The following ARFGEF3 variants were observed in gnomAD, a reference collection of about 807,000 sequenced individuals.
The protein encoded by ARFGEF3 is brefeldin A-inhibited guanine nucleotide-exchange protein 3.
ARFGEF3 carries 96 observed loss-of-function variants against 221.7 expected under a neutral mutation model. The observed-to-expected ratio is 0.43, with a 90% CI of 0.37 to 0.51. The LOEUF (loss-of-function observed/expected upper bound fraction) is 0.51. Among genes scored for constraint, ARFGEF3 ranks in the 20% least tolerant of loss-of-function variants. The pLI, the probability that ARFGEF3 is intolerant of heterozygous loss-of-function variation, is 0.00. For synonymous variants in ARFGEF3, 1,145 were observed against 1,126.8 expected (o/e 1.02, Z -0.32); for missense variants, 2,410 against 2,789.9 (o/e 0.86, Z 3.07).
intron 12 of ARFGEF3, among the ~76,000 whole-genome samples, chr6:138,274,982 C>T (rs1324222634): frequency 6.6e-6 from 1 of 151,098 alleles, no homozygotes; most frequent in Non-Finnish European, 1.5e-5. Context: ...TGGCACATGC[C>T]TGTAATCCCA....
chr6:138,333,905 A>G (rs1780272096), intron 32 of ARFGEF3, 65 bp from the exon 33 acceptor site: 9 of 1,513,912 alleles, frequency 5.9e-6, no homozygotes, highest in Non-Finnish European at 8.0e-6. Flanking sequence ...TAACGTCTAT[A>G]TTGCTTTGAG....
At position 138,339,667 on chromosome 6, in the gene ARFGEF3, TTCTC is replaced by T. The variant is rs1391333745; in HGVS notation, c.*3185_*3188del. ...CAGCCAAGTATATGGAGGGACAGAG[TTCTC>T]TCTGTCATTAATGAGGACATCGGTT... On this transcript the variant is annotated 3_prime_UTR_variant, in exon 34 of 34. Coordinates refer to ENST00000251691, the MANE Select transcript of ARFGEF3 (RefSeq NM_020340.5). 3 of 151,946 alleles carry T rather than the reference TTCTC, an allele frequency of 2.0e-5. No individual in the cohort carries two copies. The highest frequency in any genetic ancestry group is 7.3e-5 in the African/African-American group (3 of 41,346). 9.4% of individuals were successfully genotyped at this position (151,946 alleles called of 1,614,324 possible). A position where few individuals can be genotyped will look rare whatever the true frequency, so the allele number is the denominator to read the frequency against.
chr6:138,196,864 G>C (rs977097654), intron 2 of ARFGEF3, among the ~76,000 whole-genome samples: 2 of 151,580 alleles, frequency 1.3e-5, no homozygotes, highest in Non-Finnish European at 2.9e-5. Context: ...ACGGAGTTTC[G>C]CTCTTGTGGC....
chr6:138,223,531 G>T (rs1297345771), intron 4 of ARFGEF3, among the ~76,000 whole-genome samples: 1 of 152,086 alleles, frequency 6.6e-6, no homozygotes, highest in Non-Finnish European at 1.5e-5. Context: ...CTGATATTTT[G>T]AAAAATGAAA....
intron 24 of ARFGEF3, among the ~76,000 whole-genome samples, chr6:138,309,575 T>C (rs1253860896): frequency 6.6e-6 from 1 of 152,178 alleles, no homozygotes; most frequent in Non-Finnish European, 1.5e-5. Context: ...TAATATTGAC[T>C]AATCTAAGGT....
rs9495016 is a variant in ARFGEF3 at position 138,333,913 on chromosome 6, G to A, written c.5124-57G>A. The A allele has an allele frequency of 8.7e-3, 13,362 of 1,529,804 alleles. 960 individuals carry two copies. In the African/African-American group the frequency reaches 0.16, roughly 18 times the overall value. 94.8% of individuals were successfully genotyped at this position (1,529,804 alleles called of 1,614,324 possible). A position where few individuals can be genotyped will look rare whatever the true frequency, so the allele number is the denominator to read the frequency against. ...AAACGGGTAACGTCTATATTGCTTT[G>A]AGACACCTGATATAGGGCAGAAAAC... On this transcript the variant is annotated intron_variant, in intron 32 of 33. Transcript: ENST00000251691.
chr6:138,283,750 T>C (rs907309836), intron 14 of ARFGEF3, among the ~76,000 whole-genome samples: 1 of 152,224 alleles, frequency 6.6e-6, no homozygotes, highest in Non-Finnish European at 1.5e-5. Flanking sequence ...ACCTAGCACA[T>C]AGAAAACATT....
intron 12 of ARFGEF3, among the ~76,000 whole-genome samples, chr6:138,274,650 C>T (rs576568651): frequency 6.6e-6 from 1 of 152,128 alleles, no homozygotes; most frequent in African/African-American, 2.4e-5. Context: ...ACAAAATTAG[C>T]CAGGCATGGT....
intron 2 of ARFGEF3, among the ~76,000 whole-genome samples, chr6:138,196,517 G>A (rs1003676170): frequency 9.2e-5 from 14 of 152,226 alleles, no homozygotes; most frequent in African/African-American, 3.1e-4. Context: ...TATGAATAGA[G>A]TTTGCAGGAC....
chr6:138,283,562 A>C (rs1332865562), intron 14 of ARFGEF3, among the ~76,000 whole-genome samples: 1 of 152,210 alleles, frequency 6.6e-6, no homozygotes, highest in African/African-American at 2.4e-5. Flanking sequence ...GTTAACCTAG[A>C]GTTTGGAGAC....
At chr6:138,317,412 T>C in intron 27 of ARFGEF3, 33 bp downstream of exon 27, 3 of 1,612,638 alleles carry the variant, frequency 1.9e-6, no homozygotes, top group Non-Finnish European at 2.5e-6. Flanking sequence ...TTTGGGGGAG[T>C]GGTTATACAT....
At chr6:138,311,768 C>T (rs377261170) in intron 25 of ARFGEF3, among the ~76,000 whole-genome samples, 1 of 152,172 alleles carries the variant, frequency 6.6e-6, no homozygotes, top group African/African-American at 2.4e-5. Context: ...GCCTGAACTA[C>T]TGGAATCTCT....
intron 26 of ARFGEF3, 37 bp downstream of exon 26, chr6:138,313,976 T>A: frequency 6.2e-7 from 1 of 1,603,594 alleles, no homozygotes; most frequent in Non-Finnish European, 8.5e-7. Flanking sequence ...GGTTATTTGC[T>A]GTGTTCATAT....
In ARFGEF3 at chr6:138,254,076, C is replaced by A. The variant is rs1051481261; in HGVS notation, c.770+92C>A. 2.3e-5 allele frequency: 17 copies of A among 752,606 alleles called. No individual in the cohort carries two copies. In the African/African-American group the frequency reaches 2.5e-4, roughly 11 times the overall value. The allele number at this position is 752,606 out of a possible 1,614,324, so 46.6% of individuals were successfully genotyped here. On this transcript the variant is annotated intron_variant, in intron 9 of 33. Transcript: ENST00000251691. ...GGGTCCCTCTCCATGAAGTCCATGACCCACCAGTAGTAGTTTCATCTGTGC... is the reference window on the plus strand; with the variant it reads ...GGGTCCCTCTCCATGAAGTCCATGAACCACCAGTAGTAGTTTCATCTGTGC...
chr6:138,332,998 A>C (rs1488212765), intron 32 of ARFGEF3, among the ~76,000 whole-genome samples: 4 of 152,252 alleles, frequency 2.6e-5, no homozygotes, highest in African/African-American at 9.6e-5. Flanking sequence ...GACATAAAGC[A>C]AAATGTTATT....
chr6:138,173,720 T>A (rs1386098581), intron 2 of ARFGEF3, among the ~76,000 whole-genome samples: 1 of 152,220 alleles, frequency 6.6e-6, no homozygotes, highest in Non-Finnish European at 1.5e-5. Flanking sequence ...TTTATTTTAT[T>A]CAACGATCTT....
rs746812598 is a variant in ARFGEF3, at chr6:138,336,422, G to A, written c.6470G>A (p.Arg2157Lys). ...CTGACCTGTCACGTGACCGACATCA[G>A]AGTTCGCCAGGCTGTGAGGGAGTGG... ...SQLTCHVTDI[R>K]VRQAVREWLG... The change falls in exon 34 of 34, where the codon AGA (arginine) becomes AAA (lysine). Residue 2157 changes from arginine (R) to lysine (K), a missense_variant. Around this residue, in one of 5 missense-constraint regions of ARFGEF3, gnomAD observed 339 missense variants for 334.9 expected, o/e 1.01. Transcript: ENST00000251691. 6.2e-6 allele frequency: 10 copies of A among 1,613,386 alleles called. No homozygotes were observed. The South Asian group carries it at 1.1e-4, about 18-fold the overall frequency.
At chr6:138,255,830 A>G (rs1778667732) in intron 10 of ARFGEF3, 61 bp downstream of exon 10, 10 of 1,355,352 alleles carry the variant, frequency 7.4e-6, no homozygotes, top group East Asian at 2.5e-5. Context: ...CGTTTCGCAT[A>G]CAAGAAGCGC....
chr6:138,259,271 T>G (rs1311513033), intron 10 of ARFGEF3, among the ~76,000 whole-genome samples: 1 of 152,252 alleles, frequency 6.6e-6, no homozygotes, highest in Non-Finnish European at 1.5e-5. Flanking sequence ...CTTGGTATGT[T>G]ATTTCCCTGT....
Sources: allele counts gnomAD v4.1 joint callset (sites outside exome capture counted in the v4.1 genomes callset), GRCh38; gene constraint gnomAD v4.1.1; regional missense constraint gnomAD v4.1.1; transcripts MANE v1.5; gene names NCBI Gene and HGNC (gene_info 2026-07-23, HGNC 2026-07-21).